Variants in SPDYE10 observed in about 807,000 individuals in gnomAD.
The protein encoded by SPDYE10 is speedy protein E10.
chr7:73,150,931 TATATATATATATATATA>T, the SPDYE10 span, among the ~76,000 whole-genome samples: 3 of 22,288 alleles, frequency 1.3e-4, no homozygotes, highest in African/African-American at 2.2e-4. Flanking sequence ...TATATATATA[TATATATATATATATATA>T]TTTTTTTTTT....
At chr7:73,127,595 G>A in the SPDYE10 span, among the ~76,000 whole-genome samples, 1 of 81,464 alleles carries the variant, frequency 1.2e-5, no homozygotes, top group East Asian at 3.0e-4. Flanking sequence ...GAGGGGAAGG[G>A]GGAGAGGAAG....
the SPDYE10 span, chr7:73,104,224 C>T: frequency 7.7e-6 from 1 of 130,160 alleles, no homozygotes; most frequent in Non-Finnish European, 1.7e-5. Context: ...TTTATTTTTA[C>T]AAGAATTTAG....
chr7:73,133,873 TAAC>T, the SPDYE10 span, among the ~76,000 whole-genome samples: 47 of 10,510 alleles, frequency 4.5e-3, no homozygotes, highest in East Asian at 0.025. Context: ...GGCAAAATAA[TAAC>T]AACAACAATT....
At chr7:73,134,714 T>G in the SPDYE10 span, among the ~76,000 whole-genome samples, 1 of 152,242 alleles carries the variant, frequency 6.6e-6, no homozygotes, top group African/African-American at 2.4e-5. Flanking sequence ...ATACAAGAAT[T>G]AGCCAGGCTT....
the SPDYE10 span, among the ~76,000 whole-genome samples, chr7:73,127,600 A>AGGAAGG: frequency 2.0e-5 from 1 of 51,262 alleles, no homozygotes; most frequent in Non-Finnish European, 4.1e-5. Flanking sequence ...GAAGGGGGAG[A>AGGAAGG]GGAAGGGGAA....
chr7:73,137,548 G>A, the SPDYE10 span, among the ~76,000 whole-genome samples: 1 of 138,078 alleles, frequency 7.2e-6, no homozygotes. Flanking sequence ...GAGAGAGAAA[G>A]AAAGAGAAAG....
the SPDYE10 span, among the ~76,000 whole-genome samples, chr7:73,132,590 A>G: frequency 6.9e-6 from 1 of 144,834 alleles, no homozygotes; most frequent in East Asian, 2.1e-4. Flanking sequence ...CATTGACAAC[A>G]TGCTGGGTTC....
chr7:73,145,104 CCT>C, the SPDYE10 span, among the ~76,000 whole-genome samples: 1 of 138,022 alleles, frequency 7.2e-6, no homozygotes, highest in Admixed American at 7.1e-5. Flanking sequence ...TTCTTTCTTT[CCT>C]CTTTCTTTCT....
chr7:73,142,980 GAGGA>G, the SPDYE10 span, among the ~76,000 whole-genome samples: 19,825 of 90,894 alleles, frequency 0.22, 637 homozygotes, highest in African/African-American at 0.26. Context: ...GGGAGGGAGG[GAGGA>G]AGGAAGGAAG....
At chr7:73,130,922 G>A in the SPDYE10 span, among the ~76,000 whole-genome samples, 1 of 107,406 alleles carries the variant, frequency 9.3e-6, no homozygotes, top group Non-Finnish European at 1.8e-5. Context: ...GCCCTTGAAG[G>A]CCAGGCACAG....
At chr7:73,150,948 AT>A in the SPDYE10 span, among the ~76,000 whole-genome samples, 10 of 4,940 alleles carry the variant, frequency 2.0e-3, no homozygotes, top group African/African-American at 3.6e-3. Context: ...ATATATATAT[AT>A]TTTTTTTTTT....
chr7:73,149,567 G>A, the SPDYE10 span, among the ~76,000 whole-genome samples: 28 of 152,132 alleles, frequency 1.8e-4, no homozygotes, highest in Non-Finnish European at 2.2e-4. Flanking sequence ...GATTACAGGC[G>A]TGAGCCATTG....
At chr7:73,137,735 A>G in the SPDYE10 span, among the ~76,000 whole-genome samples, 3 of 7,930 alleles carry the variant, frequency 3.8e-4, no homozygotes, top group Admixed American at 1.1e-3. Context: ...GAGGGGAGGG[A>G]GAGGGGAAGG....
chr7:73,154,960 C>CGCGCCGG, the SPDYE10 span: 4 of 149,364 alleles, frequency 2.7e-5, no homozygotes, highest in Admixed American at 6.6e-5. Flanking sequence ...CTGCTCCCCC[C>CGCGCCGG]GCGCCGGGCG....
At chr7:73,126,807 A>G in the SPDYE10 span, among the ~76,000 whole-genome samples, 2 of 150,982 alleles carry the variant, frequency 1.3e-5, no homozygotes, top group African/African-American at 4.9e-5. Flanking sequence ...TGGGACTACA[A>G]GCCTGCAAGC....
chr7:73,116,870 T>A, the SPDYE10 span, among the ~76,000 whole-genome samples: 1 of 148,886 alleles, frequency 6.7e-6, no homozygotes, highest in Non-Finnish European at 1.5e-5. Context: ...CATGAGCCAC[T>A]GCACCCAGCC....
chr7:73,137,610 G>GAA, the SPDYE10 span, among the ~76,000 whole-genome samples: 4 of 132,904 alleles, frequency 3.0e-5, no homozygotes, highest in African/African-American at 1.3e-4. Context: ...AAGAAAGAAA[G>GAA]AAAGAAAGAA....
the SPDYE10 span, chr7:73,104,572 A>G: frequency 8.9e-6 from 1 of 111,772 alleles, no homozygotes; most frequent in African/African-American, 3.0e-5. Flanking sequence ...AAATAATTCT[A>G]TACCCATGTT....
At chr7:73,139,649 G>GT in the SPDYE10 span, among the ~76,000 whole-genome samples, 2 of 150,836 alleles carry the variant, frequency 1.3e-5, no homozygotes, top group African/African-American at 4.9e-5. Context: ...TTGTTTGTTT[G>GT]TTTTTTGTGT....
Sources: allele counts gnomAD v4.1 joint callset (sites outside exome capture counted in the v4.1 genomes callset), GRCh38; gene constraint gnomAD v4.1.1; transcripts MANE v1.5; gene names NCBI Gene and HGNC (gene_info 2026-07-23, HGNC 2026-07-21).